Variants in SORL1 observed in about 807,000 individuals in gnomAD.
The protein encoded by SORL1 is sortilin-related receptor.
A neutral mutation model predicts 273.7 loss-of-function variants in SORL1; 127 were observed. The ratio of observed to expected loss-of-function variants is 0.46; its 90% CI spans 0.40 to 0.54. The LOEUF (loss-of-function observed/expected upper bound fraction) is 0.54, where lower values mean the gene tolerates loss of function less well. Ranked by LOEUF, SORL1 falls within the 20% of genes least tolerant of loss-of-function variation. The pLI, the probability that SORL1 is intolerant of heterozygous loss-of-function variation, is 0.00. For synonymous variants in SORL1, 1,031 were observed against 1,067.4 expected, an observed-to-expected ratio of 0.97 and a Z score of 0.66; for missense variants, 2,494 against 2,846.1, an observed-to-expected ratio of 0.88 and a Z score of 2.81.
chr11:121,476,039 A>T (rs986356261), intron 2 of SORL1, among the ~76,000 whole-genome samples: 27 of 152,240 alleles, frequency 1.8e-4, no homozygotes, highest in Non-Finnish European at 2.9e-4. Context: ...GGAGTATTAC[A>T]TACTGAAAAA....
At chr11:121,623,739 C>T (rs895257818) in intron 45 of SORL1, among the ~76,000 whole-genome samples, 9 of 152,168 alleles carry the variant, frequency 5.9e-5, no homozygotes, top group Non-Finnish European at 7.3e-5. Flanking sequence ...GGCTGGAGCC[C>T]GGCTCTTAGG....
At chr11:121,542,571 A>C (rs1191254460) in intron 12 of SORL1, among the ~76,000 whole-genome samples, 3 of 152,054 alleles carry the variant, frequency 2.0e-5, no homozygotes, top group Admixed American at 2.0e-4. Context: ...TCAATGCTTT[A>C]TTCAGGAGGC....
intron 3 of SORL1, among the ~76,000 whole-genome samples, chr11:121,479,656 CA>C (rs1861341659): frequency 6.6e-6 from 1 of 152,110 alleles, no homozygotes; most frequent in Non-Finnish European, 1.5e-5. Flanking sequence ...GGGAAGGGAC[CA>C]CGCCATGGGA....
chr11:121,460,887 A>G (rs1202751956), intron 1 of SORL1, among the ~76,000 whole-genome samples: 5 of 152,034 alleles, frequency 3.3e-5, no homozygotes, highest in Admixed American at 6.5e-5. Context: ...TAAGGACCCC[A>G]TTTCTCTATT....
At chr11:121,581,759 T>C (rs1863018658) in intron 25 of SORL1, among the ~76,000 whole-genome samples, 1 of 152,234 alleles carries the variant, frequency 6.6e-6, no homozygotes, top group Non-Finnish European at 1.5e-5. Flanking sequence ...GAATTGTCAT[T>C]TGGAAACTTC....
chr11:121,581,403 A>G (rs767202916), intron 25 of SORL1, among the ~76,000 whole-genome samples: 10 of 152,152 alleles, frequency 6.6e-5, no homozygotes, highest in Non-Finnish European at 1.5e-4. Flanking sequence ...CTATATTAGA[A>G]ACTGATGTTA....
chr11:121,559,037 T>A (rs1862634707), intron 20 of SORL1, among the ~76,000 whole-genome samples, 200 bp downstream of exon 20: 1 of 152,210 alleles, frequency 6.6e-6, no homozygotes, highest in African/African-American at 2.4e-5. Flanking sequence ...CCCCTGCTGT[T>A]CACATTTCAA....
chr11:121,502,099 G>A (rs1399239850), intron 6 of SORL1, among the ~76,000 whole-genome samples: 1 of 133,148 alleles, frequency 7.5e-6, no homozygotes, highest in African/African-American at 2.8e-5. Flanking sequence ...ACCTGGGAGT[G>A]TAACTACTGG....
At chr11:121,457,856 G>A (rs1203592492) in intron 1 of SORL1, among the ~76,000 whole-genome samples, 1 of 152,234 alleles carries the variant, frequency 6.6e-6, no homozygotes, top group African/African-American at 2.4e-5. Flanking sequence ...GTAAAATGAA[G>A]TTAATGGTAT....
chr11:121,539,572 T>C (rs1025161114), intron 12 of SORL1, among the ~76,000 whole-genome samples: 1 of 152,202 alleles, frequency 6.6e-6, no homozygotes, highest in Non-Finnish European at 1.5e-5. Context: ...AATTTGAAGA[T>C]TATTTTCCTT....
rs57687524 is a variant in SORL1 at position 121,563,987 on chromosome 11, T to C, written c.3050-2953T>C. Among the ~76,000 whole-genome samples the C allele has an allele frequency of 0.033, 4,955 of 152,324 alleles. 268 individuals carry two copies. Among genetic ancestry groups the C allele is most frequent in the African/African-American group, 0.11 (4,639 of 41,562 alleles). On this transcript the variant is annotated intron_variant, in intron 21 of 47. Coordinates refer to ENST00000260197, the MANE Select transcript of SORL1 (RefSeq NM_003105.6). The surrounding 1 kb of genome is among the most constrained non-coding windows in gnomAD (Gnocchi z 4.2). Reference sequence around the variant, plus strand: ...GATGACATTTTTGGCTCCTAAAGTATTCCTGGAGGAATTTTCCAAACAGGA... The same window carrying C: ...GATGACATTTTTGGCTCCTAAAGTACTCCTGGAGGAATTTTCCAAACAGGA...
At chr11:121,526,646 A>G (rs1161501885) in intron 11 of SORL1, among the ~76,000 whole-genome samples, 2 of 152,098 alleles carry the variant, frequency 1.3e-5, no homozygotes, top group Non-Finnish European at 2.9e-5. Flanking sequence ...TGTAGTTTCC[A>G]ATGTAGAGGT....
At chr11:121,560,519 T>C (rs1364050607) in intron 21 of SORL1, among the ~76,000 whole-genome samples, 2 of 152,246 alleles carry the variant, frequency 1.3e-5, no homozygotes, top group Non-Finnish European at 2.9e-5. Flanking sequence ...TTTCCCTCTT[T>C]ATCTCAGCAG....
chr11:121,533,739 T>C (rs1019223828), intron 12 of SORL1, among the ~76,000 whole-genome samples: 2 of 152,204 alleles, frequency 1.3e-5, no homozygotes, highest in African/African-American at 4.8e-5. Flanking sequence ...GCTGTTTTTT[T>C]TTCCCTGTGG....
intron 2 of SORL1, among the ~76,000 whole-genome samples, chr11:121,472,361 TA>T (rs906444121): frequency 6.6e-6 from 1 of 152,190 alleles, no homozygotes; most frequent in Non-Finnish European, 1.5e-5. Context: ...ATAAAGACCT[TA>T]AGCATTGTTT....
intron 14 of SORL1, among the ~76,000 whole-genome samples, chr11:121,548,637 G>A (rs761900340): frequency 2.6e-5 from 4 of 152,096 alleles, no homozygotes; most frequent in Admixed American, 6.5e-5. Context: ...TGCAATCTTG[G>A]CTCACTGCAA....
intron 11 of SORL1, among the ~76,000 whole-genome samples, chr11:121,531,408 T>TA (rs1862200899): frequency 6.6e-6 from 1 of 152,060 alleles, no homozygotes; most frequent in South Asian, 2.1e-4. Flanking sequence ...AATAAAAAAT[T>TA]AAAAAAATAT....
chr11:121,588,355 C>T (rs552281470), intron 28 of SORL1, among the ~76,000 whole-genome samples: 23 of 152,266 alleles, frequency 1.5e-4, no homozygotes, highest in African/African-American at 4.8e-4. Flanking sequence ...GAAAGACTTT[C>T]TTTTGTTGCT....
At chr11:121,521,431 G>A (rs1314298722) in intron 9 of SORL1, among the ~76,000 whole-genome samples, 1 of 152,200 alleles carries the variant, frequency 6.6e-6, no homozygotes, top group Non-Finnish European at 1.5e-5. Context: ...TGAGCGTGCT[G>A]TGGGGGTCAG....
Sources: gnomAD v4.1 joint callset for allele counts (sites outside exome capture counted in the v4.1 genomes callset) on GRCh38, gnomAD v4.1.1 for gene constraint, Gnocchi (gnomAD v3.1) non-coding constraint, MANE v1.5 for transcripts, NCBI Gene and HGNC (gene_info 2026-07-23, HGNC 2026-07-21) for gene names.